Variants in ARIH2 observed in about 807,000 individuals in gnomAD.
ARIH2 encodes the protein E3 ubiquitin-protein ligase ARIH2.
In ARIH2, 12 loss-of-function variants were observed where a neutral mutation model predicts 79.8. That is an observed-to-expected ratio of 0.15 (90% CI 0.10 to 0.24). The LOEUF (loss-of-function observed/expected upper bound fraction) is 0.24. ARIH2 is among the 10% of genes least tolerant of loss of function. The probability of loss-of-function intolerance (pLI) is 1.00; values close to 1 mark genes in which losing one functional copy is unlikely to be tolerated. For synonymous variants in ARIH2, 224 were observed against 213.9 expected (o/e 1.05, Z -0.41); for missense variants, 301 against 618.3 (o/e 0.49, Z 5.44).
chr3:48,981,785 A>T, intron 14 of ARIH2, 57 bp downstream of exon 14: 3 of 1,432,554 alleles, frequency 2.1e-6, no homozygotes, highest in Non-Finnish European at 2.9e-6. Flanking sequence ...GCCCTTCTCT[A>T]CCAGCACTTT....
intron 3 of ARIH2, among the ~76,000 whole-genome samples, chr3:48,929,637 G>A (rs1255269622): frequency 6.6e-6 from 1 of 152,108 alleles, no homozygotes; most frequent in Non-Finnish European, 1.5e-5. Flanking sequence ...TGTTTTACCT[G>A]TTCACACATT....
At chr3:48,945,744 G>T (rs910204681) in intron 3 of ARIH2, among the ~76,000 whole-genome samples, 7 of 152,098 alleles carry the variant, frequency 4.6e-5, no homozygotes, top group Non-Finnish European at 1.0e-4. Context: ...AAATAAGTTT[G>T]TGGCTGTTAT....
intron 7 of ARIH2, among the ~76,000 whole-genome samples, chr3:48,969,391 A>T (rs2092029246): frequency 6.6e-6 from 1 of 151,962 alleles, no homozygotes; most frequent in African/African-American, 2.4e-5. Flanking sequence ...CTTGTCCAGG[A>T]TTCAGCGTGG....
intron 3 of ARIH2, among the ~76,000 whole-genome samples, chr3:48,948,575 C>A (rs1386726242): frequency 6.6e-6 from 1 of 152,172 alleles, no homozygotes; most frequent in Non-Finnish European, 1.5e-5. Context: ...AGATGTGAGC[C>A]ACCGCGCCCG....
chr3:48,937,474 G>T (rs2087323636), intron 3 of ARIH2, among the ~76,000 whole-genome samples: 1 of 152,090 alleles, frequency 6.6e-6, no homozygotes, highest in African/African-American at 2.4e-5. Context: ...CTTCTTCTTG[G>T]TGTGTGCTTA....
chr3:48,981,756 TC>T, intron 14 of ARIH2, 28 bp downstream of exon 14: 1 of 1,588,518 alleles, frequency 6.3e-7, no homozygotes, highest in Non-Finnish European at 8.6e-7. Context: ...TTCTACTCTG[TC>T]CCGTTAGCCT....
intron 9 of ARIH2, 81 bp downstream of exon 9, chr3:48,973,897 G>A: frequency 9.1e-7 from 1 of 1,096,888 alleles, no homozygotes; most frequent in Non-Finnish European, 1.4e-6. Flanking sequence ...TGCCATCTGA[G>A]AGCAGAATAC....
At chr3:48,978,536 C>G (rs1162689374) in intron 11 of ARIH2, among the ~76,000 whole-genome samples, 5 of 136,310 alleles carry the variant, frequency 3.7e-5, no homozygotes, top group African/African-American at 1.4e-4. Flanking sequence ...CCAGGCTGGT[C>G]TCAAATTCCT....
chr3:48,923,124 G>A (rs1204762763), intron 2 of ARIH2, among the ~76,000 whole-genome samples: 1 of 151,184 alleles, frequency 6.6e-6, no homozygotes, highest in East Asian at 1.9e-4. Flanking sequence ...GGAGAATGGC[G>A]TGAACCCGGG....
chr3:48,922,113 A>G (rs1301497336), intron 1 of ARIH2, among the ~76,000 whole-genome samples: 1 of 152,172 alleles, frequency 6.6e-6, no homozygotes, highest in Non-Finnish European at 1.5e-5. Flanking sequence ...TCTGAAGGAC[A>G]GAAATACTGG....
chr3:48,937,229 A>G (rs2087281994), intron 3 of ARIH2, among the ~76,000 whole-genome samples: 1 of 152,206 alleles, frequency 6.6e-6, no homozygotes. Context: ...TGGTAAGCTA[A>G]CAGTCTCTTC....
At chr3:48,969,075 G>A (rs971683696) in intron 7 of ARIH2, among the ~76,000 whole-genome samples, 7 of 151,968 alleles carry the variant, frequency 4.6e-5, no homozygotes, top group South Asian at 2.1e-4. Flanking sequence ...GTAGAGACGG[G>A]GTTTCACCAG....
chr3:48,927,571 A>C lies in ARIH2; in HGVS notation c.13A>C (p.Met5Leu). 1 of 1,613,958 alleles carries C rather than the reference A, an allele frequency of 6.2e-7. No individual in the cohort carries two copies. The highest frequency in any genetic ancestry group is 8.5e-7 in the Non-Finnish European group (1 of 1,179,986). The change falls in exon 3 of 16, where the codon ATG becomes CTG. Residue 5 changes from methionine to leucine, a missense_variant. Physicochemically the swap from Met to Leu is conservative, Grantham distance 15. Transcript: ENST00000356401. MSVDMNSQGSDSNEE... is the reference protein window; with the variant it reads MSVDLNSQGSDSNEE... ...GCTGGATGCTAAGATGTCAGTGGACATGAATAGCCAGGGGTCTGACAGCAA... is the reference window on the plus strand; with the variant it reads ...GCTGGATGCTAAGATGTCAGTGGACCTGAATAGCCAGGGGTCTGACAGCAA...
At chr3:48,923,517 G>C (rs1289501571) in intron 2 of ARIH2, among the ~76,000 whole-genome samples, 1 of 150,984 alleles carries the variant, frequency 6.6e-6, no homozygotes, top group Non-Finnish European at 1.5e-5. Flanking sequence ...CTTAGATATA[G>C]TGAGTGTTTT....
At chr3:48,921,868 C>T (rs2084877013) in intron 1 of ARIH2, among the ~76,000 whole-genome samples, 3 of 151,726 alleles carry the variant, frequency 2.0e-5, no homozygotes, top group Admixed American at 2.0e-4. Context: ...CCTCCCACCT[C>T]AGCCTCCCAA....
chr3:48,959,176 TGTG>T (rs1165290402), intron 3 of ARIH2, among the ~76,000 whole-genome samples: 1 of 149,022 alleles, frequency 6.7e-6, no homozygotes, highest in African/African-American at 2.5e-5. Flanking sequence ...ATTAGCCCGG[TGTG>T]GTGGTGGGCG....
At chr3:48,926,934 T>A (rs2085705250) in intron 2 of ARIH2, 1 of 153,218 alleles carries the variant, frequency 6.5e-6, no homozygotes, top group African/African-American at 2.4e-5. Flanking sequence ...TTTTTTTTCT[T>A]TACCAACTAT....
intron 1 of ARIH2, among the ~76,000 whole-genome samples, chr3:48,920,296 T>C (rs1386597578): frequency 6.6e-6 from 1 of 151,978 alleles, no homozygotes; most frequent in African/African-American, 2.4e-5. Context: ...AAAAATTTTT[T>C]TTGAAAAAGT....
At chr3:48,919,545 T>C (rs1198813666) in intron 1 of ARIH2, among the ~76,000 whole-genome samples, 1 of 152,206 alleles carries the variant, frequency 6.6e-6, no homozygotes, top group Non-Finnish European at 1.5e-5. Context: ...CATTGCCTGG[T>C]CCCATAGAAC....
Sources: gnomAD v4.1 joint callset for allele counts (sites outside exome capture counted in the v4.1 genomes callset) on GRCh38, gnomAD v4.1.1 for gene constraint, MANE v1.5 for transcripts, NCBI Gene and HGNC (gene_info 2026-07-23, HGNC 2026-07-21) for gene names.